The following GABBR2 variants were observed in gnomAD, a reference collection of about 807,000 sequenced individuals.
The protein encoded by GABBR2 is gamma-aminobutyric acid type B receptor subunit 2, also known as G-protein coupled receptor 51.
A neutral mutation model predicts 105.6 loss-of-function variants in GABBR2; 23 were observed. The observed-to-expected ratio is 0.22, with a 90% CI of 0.16 to 0.31. The LOEUF is 0.31. Among genes scored for constraint, GABBR2 ranks in the 10% least tolerant of loss-of-function variants. The pLI is 1.00. For synonymous variants in GABBR2, 478 were observed against 499.7 expected (o/e 0.96, Z 0.58); for missense variants, 734 against 1,245.5 (o/e 0.59, Z 6.18).
chr9:98,519,233 G>A (rs1446356471), intron 3 of GABBR2, among the ~76,000 whole-genome samples: 1 of 152,206 alleles, frequency 6.6e-6, no homozygotes, highest in Non-Finnish European at 1.5e-5. Context: ...GCTGAATGAG[G>A]GAATGAATGA....
At position 98,640,121 on chromosome 9, in the gene GABBR2, C is replaced by CATATATATATATATAT. The variant is rs6151094; in HGVS notation, c.322-62065_322-62050dup. On this transcript the variant is annotated intron_variant, in intron 1 of 18. Transcript: ENST00000259455. ...AGTTTTGAGCCTTTGAAAATACAAC[C>CATATATATATATATAT]ATATATATATATATATATATATATA... Among the ~76,000 whole-genome samples, 681 of 140,810 alleles carry CATATATATATATATAT rather than the reference C, an allele frequency of 4.8e-3. 2 individuals are homozygous for CATATATATATATATAT. Among genetic ancestry groups the CATATATATATATATAT allele is most frequent in the Middle Eastern group, 7.7e-3 (2 of 260 alleles). The allele number at this position is 140,810 out of a possible 152,430, so 92.4% of individuals were successfully genotyped here.
intron 5 of GABBR2, among the ~76,000 whole-genome samples, chr9:98,477,173 G>T (rs1163124441): frequency 6.6e-6 from 1 of 152,200 alleles, no homozygotes; most frequent in Non-Finnish European, 1.5e-5. Context: ...GTATACAGGG[G>T]CTACTCAATC....
At chr9:98,583,755 T>C (rs1829033686) in intron 1 of GABBR2, among the ~76,000 whole-genome samples, 1 of 152,238 alleles carries the variant, frequency 6.6e-6, no homozygotes, top group Non-Finnish European at 1.5e-5. Context: ...TGCAGACACA[T>C]TGCCACAGCC....
intron 9 of GABBR2, among the ~76,000 whole-genome samples, chr9:98,393,041 T>TCCAC (rs1564048290): frequency 3.7e-5 from 3 of 81,548 alleles, no homozygotes; most frequent in South Asian, 4.7e-4. Flanking sequence ...CATCCATCCA[T>TCCAC]CCATCCATCC....
At chr9:98,400,685 C>T (rs1474489793) in intron 8 of GABBR2, among the ~76,000 whole-genome samples, 1 of 152,104 alleles carries the variant, frequency 6.6e-6, no homozygotes, top group African/African-American at 2.4e-5. Flanking sequence ...CTGCAGGGAG[C>T]AGGGAGGAGC....
At chr9:98,485,632 A>G (rs1827029715) in intron 4 of GABBR2, among the ~76,000 whole-genome samples, 1 of 151,946 alleles carries the variant, frequency 6.6e-6, no homozygotes. Flanking sequence ...AAAAATAACA[A>G]CTCTCAAGCC....
At chr9:98,424,617 A>C (rs1157046590) in intron 7 of GABBR2, among the ~76,000 whole-genome samples, 4 of 150,364 alleles carry the variant, frequency 2.7e-5, no homozygotes, top group Non-Finnish European at 4.5e-5. Flanking sequence ...TTAAGCTGAT[A>C]AGCAACTTCA....
intron 3 of GABBR2, among the ~76,000 whole-genome samples, chr9:98,528,603 CT>C (rs1419307610): frequency 3.3e-5 from 5 of 149,462 alleles, no homozygotes; most frequent in African/African-American, 1.2e-4. Flanking sequence ...ATAAAGAGCT[CT>C]TATAAATCAG....
At chr9:98,383,139 C>T (rs891619647) in intron 11 of GABBR2, among the ~76,000 whole-genome samples, 8 of 152,144 alleles carry the variant, frequency 5.3e-5, no homozygotes, top group Non-Finnish European at 1.2e-4. Context: ...TGGGGTTTCT[C>T]CATGTTGGTC....
intron 7 of GABBR2, among the ~76,000 whole-genome samples, chr9:98,429,762 G>A (rs1005781062): frequency 6.6e-6 from 1 of 152,124 alleles, no homozygotes; most frequent in Non-Finnish European, 1.5e-5. Flanking sequence ...AAGGGGAGGC[G>A]AGAAAACAGA....
At chr9:98,705,347 A>G (rs547185953) in intron 1 of GABBR2, among the ~76,000 whole-genome samples, 19 of 152,222 alleles carry the variant, frequency 1.2e-4, no homozygotes, top group Admixed American at 7.8e-4. Context: ...AAGAGAGTCA[A>G]TCTGGTTGTA....
At chr9:98,557,783 A>G (rs1295072281) in intron 2 of GABBR2, among the ~76,000 whole-genome samples, 1 of 152,224 alleles carries the variant, frequency 6.6e-6, no homozygotes, top group Non-Finnish European at 1.5e-5. Context: ...CTGATTTTTC[A>G]TTCATGGCAT....
intron 11 of GABBR2, among the ~76,000 whole-genome samples, chr9:98,385,234 TTC>T (rs1192838516): frequency 2.6e-5 from 4 of 152,194 alleles, no homozygotes; most frequent in Admixed American, 6.5e-5. Flanking sequence ...GACAGGGTCT[TTC>T]TCTGTTTCCC....
chr9:98,503,716 G>A, intron 3 of GABBR2, among the ~76,000 whole-genome samples: 1 of 152,180 alleles, frequency 6.6e-6, no homozygotes, highest in East Asian at 1.9e-4. Context: ...TTTCCATGGT[G>A]AGGAATGGGG....
At position 98,396,705 on chromosome 9, in the gene GABBR2, T is replaced by C. The variant is rs1223656089; in HGVS notation, c.1298-2450A>G. Among the ~76,000 whole-genome samples the C allele has an allele frequency of 3.9e-5, 6 of 152,152 alleles. 1 individual carries two copies. The South Asian group carries it at 1.0e-3, about 26-fold the overall frequency. On this transcript the variant is annotated intron_variant, in intron 8 of 18. Transcript: ENST00000259455. The stretch of plus-strand genomic sequence containing the variant: ...TCAGAGGAGGCCCTGATTTATTTAT[T>C]TGAGGCAGGGAGGCAGCGCATGAAA...
chr9:98,690,552 G>A (rs1830670825), intron 1 of GABBR2, among the ~76,000 whole-genome samples: 1 of 152,168 alleles, frequency 6.6e-6, no homozygotes, highest in Admixed American at 6.5e-5. Context: ...AAGAAGTCAT[G>A]TTTGGCAGGT....
At position 98,290,644 on chromosome 9, in the gene GABBR2, G is replaced by A. The variant is rs548342323; in HGVS notation, c.2766C>T (p.Thr922=). The change falls in exon 19 of 19, where the codon ACC becomes ACT. Residue 922 remains threonine (T), a synonymous_variant. Transcript: ENST00000259455. ...ASCVSPCVSP[T]ASPRHRHVPP... The stretch of plus-strand genomic sequence containing the variant: ...GCACATGTCTGTGGCGGGGGCTGGC[G>A]GTGGGGCTGACGCAGGGGCTGACAC... 1.5e-5 allele frequency: 22 copies of A among 1,454,492 alleles called. No homozygotes were observed. The East Asian group carries it at 2.8e-4, about 18-fold the overall frequency. The allele number at this position is 1,454,492 out of a possible 1,614,324, so 90.1% of individuals were successfully genotyped here.
chr9:98,645,942 C>T (rs998240083), intron 1 of GABBR2, among the ~76,000 whole-genome samples: 5 of 152,196 alleles, frequency 3.3e-5, no homozygotes, highest in Admixed American at 6.5e-5. Flanking sequence ...AATGGAAGCA[C>T]ACAAAGTGTA....
At position 98,708,895 on chromosome 9, in the gene GABBR2, CGCG is replaced by C. The variant is rs35400353; in HGVS notation, c.-161_-159del. On this transcript the variant is annotated 5_prime_UTR_variant, in exon 1 of 19. Coordinates refer to ENST00000259455, the MANE Select transcript of GABBR2 (RefSeq NM_005458.8). ...GGGTTCCGGCTCGGCTCAGAACGGC[CGCG>C]GCGGCGGCGGCGGCAGCGGCGGCGC... 134,139 of 198,006 alleles carry C rather than the reference CGCG, an allele frequency of 0.68. 48,861 individuals are homozygous for C. Among genetic ancestry groups the C allele is most frequent in the East Asian group, 0.81 (4,154 of 5,108 alleles). 12.3% of individuals were successfully genotyped at this position (198,006 alleles called of 1,614,324 possible). A position where few individuals can be genotyped will look rare whatever the true frequency, so the allele number is the denominator to read the frequency against.
Sources: allele counts gnomAD v4.1 joint callset (sites outside exome capture counted in the v4.1 genomes callset), GRCh38; gene constraint gnomAD v4.1.1; transcripts MANE v1.5; gene names NCBI Gene and HGNC (gene_info 2026-07-23, HGNC 2026-07-21).